Variants in AP5Z1 observed in about 807,000 individuals in gnomAD.
AP5Z1 encodes adaptor related protein complex 5 subunit zeta 1.
In AP5Z1, 106 loss-of-function variants were observed where a neutral mutation model predicts 83.0. The ratio of observed to expected loss-of-function variants is 1.28; its 90% CI spans 1.09 to 1.50. The LOEUF (loss-of-function observed/expected upper bound fraction) is 1.50. Ranked by LOEUF, AP5Z1 falls within the 40% of genes most tolerant of loss-of-function variation. The pLI, the probability that AP5Z1 is intolerant of heterozygous loss-of-function variation, is 0.00. For synonymous variants in AP5Z1, 751 were observed against 514.1 expected (o/e 1.46, Z -6.23); for missense variants, 1,565 against 1,094.2 (o/e 1.43, Z -6.07).
At chr7:4,778,696 T>C (rs958172511) in intron 1 of AP5Z1, among the ~76,000 whole-genome samples, 1 of 150,372 alleles carries the variant, frequency 6.7e-6, no homozygotes, top group African/African-American at 2.4e-5. Context: ...CTGGGAAAGA[T>C]TTTCCATTGT....
rs368076671 is a variant in AP5Z1, at chr7:4,786,401, C to G, written c.1284C>G (p.Leu428=). Reference sequence around the variant, plus strand: ...TGTTCAGCGGGCACCTCAGCACCCTCAGATTGAGCTTCCCCAACCTCTTTA... The same window carrying G: ...TGTTCAGCGGGCACCTCAGCACCCTGAGATTGAGCTTCCCCAACCTCTTTA... The part of the protein sequence containing the change: ...LHLFSGHLST[L]RLSFPNLFKF... Residue 428 remains leucine (L), a synonymous_variant, in exon 10 of 17, where the codon CTC becomes CTG. Coordinates refer to ENST00000649063, the MANE Select transcript of AP5Z1 (RefSeq NM_014855.3). 5.4e-5 allele frequency: 87 copies of G among 1,613,902 alleles called. 1 individual carries two copies. The African/African-American group carries it at 1.1e-3, about 20-fold the overall frequency.
At position 4,783,336 on chromosome 7, in the gene AP5Z1, C is replaced by G. The variant is rs1781435476; in HGVS notation, c.387C>G (p.Val129=). 6.2e-7 allele frequency: 1 copy of G among 1,611,874 alleles called. No homozygotes were observed. Among genetic ancestry groups the G allele is most frequent in the Non-Finnish European group, 8.5e-7 (1 of 1,179,180 alleles). The change falls in exon 4 of 17, where the codon GTC becomes GTG. Residue 129 remains valine (V), a synonymous_variant. Transcript: ENST00000649063. The stretch of plus-strand genomic sequence containing the variant: ...TGAAGGGTGACAGAAACGAGGAGGT[C>G]AGAGCCGTGGGCCAGGGCGTGCTAC... The part of the protein sequence containing the change: ...LLAQGDRNEE[V]RAVGQGVLRA...
At chr7:4,776,562 C>CAAAAAAAAAAAAAAA (rs55916241) in intron 1 of AP5Z1, among the ~76,000 whole-genome samples, 1 of 82,414 alleles carries the variant, frequency 1.2e-5, no homozygotes, top group Non-Finnish European at 2.9e-5. Context: ...ACTGAAAATA[C>CAAAAAAAAAAAAAAA]AAAAAAAAAA....
chr7:4,790,151 C>G, intron 14 of AP5Z1: 7 of 1,496,234 alleles, frequency 4.7e-6, no homozygotes, highest in South Asian at 1.3e-5. Flanking sequence ...CGAGCCTGTC[C>G]TCTTCAGGGT....
chr7:4,789,818 C>T lies in AP5Z1; in HGVS notation c.1708-14C>T, dbSNP rs118139547. The T allele has an allele frequency of 0.029, 45,230 of 1,549,856 alleles. 899 individuals are homozygous for T. The highest frequency in any genetic ancestry group is 0.042 in the South Asian group (3,532 of 84,052). On this transcript the variant is annotated splice_polypyrimidine_tract_variant and intron_variant, in intron 13 of 16. Coordinates refer to ENST00000649063, the MANE Select transcript of AP5Z1 (RefSeq NM_014855.3). ...GGGGTGGGGCTGAGCCTGTTTCCCA[C>T]TCCTGACCCCCAGGTGGCTGACGGG...
In AP5Z1 at chr7:4,792,740, G is replaced by GT. The variant is rs1562417833; in HGVS notation, c.*1358dup. 1 of 152,244 alleles carries GT rather than the reference G, an allele frequency of 6.6e-6. No homozygotes were observed. The highest frequency in any genetic ancestry group is 2.4e-5 in the African/African-American group (1 of 41,454). 9.4% of individuals were successfully genotyped at this position (152,244 alleles called of 1,614,324 possible). ...CAGGCGCTTCCGTCGGCAGCACTGT[G>GT]TTTGTGTTTCCACGTGGAAACAGCA... On this transcript the variant is annotated 3_prime_UTR_variant, in exon 17 of 17. Coordinates refer to ENST00000649063, the MANE Select transcript of AP5Z1 (RefSeq NM_014855.3).
chr7:4,790,250 A>G, intron 14 of AP5Z1: 1 of 1,546,564 alleles, frequency 6.5e-7, no homozygotes, highest in Non-Finnish European at 8.7e-7. Context: ...TTCCACTCTG[A>G]GCCTGGGCCT....
In AP5Z1 at chr7:4,785,256, A is replaced by G. The variant is rs73671922; in HGVS notation, c.932-159A>G. Reference sequence around the variant, plus strand: ...CCAGCCCCCAGCCCGGCCCTGTCCCACCTGGGCCCCTCGCCTCAGTCCCAC... The same window carrying G: ...CCAGCCCCCAGCCCGGCCCTGTCCCGCCTGGGCCCCTCGCCTCAGTCCCAC... On this transcript the variant is annotated intron_variant, in intron 7 of 16. Coordinates refer to ENST00000649063, the MANE Select transcript of AP5Z1 (RefSeq NM_014855.3). Among the ~76,000 whole-genome samples, 40,617 of 152,000 alleles carry G rather than the reference A, an allele frequency of 0.27. 9,481 individuals carry two copies. Among genetic ancestry groups the G allele is most frequent in the African/African-American group, 0.63 (26,239 of 41,454 alleles).
Position 4,788,907 on chromosome 7 carries a change from GC to G in AP5Z1, c.1665del (p.Val556CysfsTer12), listed in dbSNP as rs1044510950. 6.2e-7 allele frequency: 1 copy of G among 1,611,196 alleles called. No individual in the cohort carries two copies. Among genetic ancestry groups the G allele is most frequent in the Non-Finnish European group, 8.5e-7 (1 of 1,179,462 alleles). ...TGCCCGCGTGGCCCAGTGTGCCCAG[GC>G]CGTGCCCACGCTGCTGCAGGCATTC... ...GCARVAQCAQAVPTLLQAFFS... is the reference protein window; with the variant it reads ...GCARVAQCAQXVPTLLQAFFS... On this transcript the variant is annotated frameshift_variant, in exon 13 of 17. Transcript: ENST00000649063. LOFTEE classifies it high-confidence loss of function.
chr7:4,793,772 C>A lies in AP5Z1; in HGVS notation c.*2387C>A, dbSNP rs1775065248. On this transcript the variant is annotated 3_prime_UTR_variant, in exon 17 of 17. Coordinates refer to ENST00000649063, the MANE Select transcript of AP5Z1 (RefSeq NM_014855.3). Reference sequence around the variant, plus strand: ...CCGCCATGCCTGAGCCTCCCCCCTCCCCTCCGTGGGTTCCTGCGCAGTCCG... The same window carrying A: ...CCGCCATGCCTGAGCCTCCCCCCTCACCTCCGTGGGTTCCTGCGCAGTCCG... The A allele has an allele frequency of 6.5e-6, 1 of 154,814 alleles. No individual in the cohort carries two copies. The allele number at this position is 154,814 out of a possible 1,614,324, so 9.6% of individuals were successfully genotyped here. A position where few individuals can be genotyped will look rare whatever the true frequency, so the allele number is the denominator to read the frequency against.
intron 1 of AP5Z1, among the ~76,000 whole-genome samples, chr7:4,780,035 C>T (rs1309565133): frequency 6.6e-6 from 1 of 152,150 alleles, no homozygotes; most frequent in Admixed American, 6.6e-5. Context: ...CCCACCTCAG[C>T]GTCCCAAAGT....
chr7:4,786,662 G>C (rs936326224), intron 10 of AP5Z1, among the ~76,000 whole-genome samples: 107 of 152,298 alleles, frequency 7.0e-4, no homozygotes, highest in Non-Finnish European at 1.4e-3. Context: ...AGGGGGCTGT[G>C]ACACAAGACG....
At chr7:4,779,681 C>T (rs1370865937) in intron 1 of AP5Z1, among the ~76,000 whole-genome samples, 1 of 151,516 alleles carries the variant, frequency 6.6e-6, no homozygotes, top group African/African-American at 2.4e-5. Flanking sequence ...GCTCTCGTTG[C>T]CCAAGCTGGG....
At chr7:4,776,266 C>T (rs958727231) in intron 1 of AP5Z1, among the ~76,000 whole-genome samples, 2 of 151,526 alleles carry the variant, frequency 1.3e-5, no homozygotes, top group South Asian at 2.1e-4. Flanking sequence ...AGAAATCACC[C>T]TCCAGGCTGG....
intron 14 of AP5Z1, 170 bp from the exon 15 acceptor site, chr7:4,790,289 C>G: frequency 6.5e-7 from 1 of 1,544,904 alleles, no homozygotes; most frequent in Non-Finnish European, 8.7e-7. Context: ...AGCCTTCTCC[C>G]CAGTGAGAAC....
intron 12 of AP5Z1, 27 bp downstream of exon 12, chr7:4,788,321 A>G (rs1781625250): frequency 1.9e-6 from 3 of 1,551,564 alleles, no homozygotes; most frequent in African/African-American, 1.4e-5. Flanking sequence ...CCAGGGGGCC[A>G]CCAGTGGCTC....
At position 4,787,622 on chromosome 7, in the gene AP5Z1, C is replaced by T; in HGVS notation, c.1312-12C>T. ...TCCGAGCCGTGTCCGAACCGCTGTG[C>T]TGTGCCCACAGTTCCTGGCCTGGAA... On this transcript the variant is annotated splice_polypyrimidine_tract_variant and intron_variant, in intron 10 of 16. Transcript: ENST00000649063. The T allele has an allele frequency of 6.5e-7, 1 of 1,549,434 alleles. No homozygotes were observed. Among genetic ancestry groups the T allele is most frequent in the Non-Finnish European group, 8.7e-7 (1 of 1,147,436 alleles).
chr7:4,784,357 G>A lies in AP5Z1; in HGVS notation c.776G>A (p.Gly259Asp), dbSNP rs889288295. The A allele has an allele frequency of 6.3e-7, 1 of 1,583,088 alleles. No homozygotes were observed. Among genetic ancestry groups the A allele is most frequent in the Non-Finnish European group, 8.6e-7 (1 of 1,167,158 alleles). ...WLLHSGPEGPGTLDTDDRSEQ... is the reference protein window; with the variant it reads ...WLLHSGPEGPDTLDTDDRSEQ... ...CTGCACAGCGGCCCCGAGGGCCCGG[G>A]CACCCTGGACACAGGTGTGCGGGGT... Residue 259 changes from glycine (G) to aspartate (D), a missense_variant, in exon 6 of 17, where the codon GGC becomes GAC. By Grantham distance (94) the Gly-to-Asp change is moderately conservative. Transcript: ENST00000649063.
At position 4,789,990 on chromosome 7, in the gene AP5Z1, T is replaced by TCCCCCCCCCCCCCCCCCC; in HGVS notation, c.1805+62_1805+63insCCCCCCCCCCCCCCCCCC. ...CGGGTGCCTCCTGGACTCCTCCCCC[T>TCCCCCCCCCCCCCCCCCC]CTCCCCTCCCCCCTCCCCTTCAGTG... On this transcript the variant is annotated intron_variant, in intron 14 of 16. Coordinates refer to ENST00000649063, the MANE Select transcript of AP5Z1 (RefSeq NM_014855.3). The TCCCCCCCCCCCCCCCCCC allele has an allele frequency of 6.8e-6, 5 of 733,588 alleles. 1 individual carries two copies. The highest frequency in any genetic ancestry group is 1.3e-4 in the Admixed American group (2 of 15,648). The allele number at this position is 733,588 out of a possible 1,614,324, so 45.4% of individuals were successfully genotyped here.
Sources: allele counts gnomAD v4.1 joint callset (sites outside exome capture counted in the v4.1 genomes callset), GRCh38; gene constraint gnomAD v4.1.1; transcripts MANE v1.5; gene names NCBI Gene and HGNC (gene_info 2026-07-23, HGNC 2026-07-21).